The following SGCZ variants were observed in gnomAD, a reference collection of about 807,000 sequenced individuals.
SGCZ encodes the protein sarcoglycan zeta, also known as zeta-sarcoglycan.
SGCZ carries 40 observed loss-of-function variants against 41.3 expected under a neutral mutation model. The observed-to-expected ratio is 0.97, with a 90% CI of 0.75 to 1.26. The LOEUF (loss-of-function observed/expected upper bound fraction) is 1.26. SGCZ is among the 50% of genes most tolerant of loss of function. SGCZ has a pLI of 0.00. For missense variants in SGCZ, 552 were observed against 369.8 expected, an observed-to-expected ratio of 1.49 and a Z score of -4.04; for synonymous variants, 206 against 137.5, an observed-to-expected ratio of 1.50 and a Z score of -3.49.
At chr8:14,171,897 T>C (rs947196365) in intron 4 of SGCZ, among the ~76,000 whole-genome samples, 1 of 152,132 alleles carries the variant, frequency 6.6e-6, no homozygotes, top group African/African-American at 2.4e-5. Context: ...GTGAATTAAA[T>C]GCTGAACAAG....
At chr8:14,371,775 A>C (rs146831430) in intron 2 of SGCZ, among the ~76,000 whole-genome samples, 3,038 of 152,266 alleles carry the variant, frequency 0.02, 81 homozygotes, top group African/African-American at 0.056. Context: ...TAGGGTGACA[A>C]ATAAAAATTA....
At chr8:14,947,106 G>C (rs11776177) in intron 1 of SGCZ, among the ~76,000 whole-genome samples, 9,575 of 152,212 alleles carry the variant, frequency 0.063, 462 homozygotes, top group African/African-American at 0.12. Context: ...TACATCAATA[G>C]AGTTTAATCC....
chr8:15,225,349 C>T (rs1801733713), intron 1 of SGCZ, among the ~76,000 whole-genome samples: 1 of 151,982 alleles, frequency 6.6e-6, no homozygotes, highest in Non-Finnish European at 1.5e-5. Flanking sequence ...GACTAGTTTA[C>T]TGGTCAATAA....
chr8:14,870,624 G>C (rs975446104), intron 1 of SGCZ, among the ~76,000 whole-genome samples: 2 of 151,732 alleles, frequency 1.3e-5, no homozygotes, highest in African/African-American at 4.8e-5. Flanking sequence ...CACAGCAAAA[G>C]AAACTATCAT....
intron 1 of SGCZ, among the ~76,000 whole-genome samples, chr8:14,612,510 A>G (rs1239443896): frequency 3.9e-5 from 6 of 152,146 alleles, no homozygotes; most frequent in Non-Finnish European, 8.8e-5. Context: ...GCACTGTGAG[A>G]ATGGACTAAT....
chr8:14,406,884 G>A (rs1799225511), intron 2 of SGCZ, among the ~76,000 whole-genome samples: 2 of 152,086 alleles, frequency 1.3e-5, no homozygotes, highest in South Asian at 4.2e-4. Flanking sequence ...CCTTTCGCAA[G>A]GAGCTGCTGC....
chr8:15,145,871 C>G (rs1253241686), intron 1 of SGCZ, among the ~76,000 whole-genome samples: 3 of 152,150 alleles, frequency 2.0e-5, no homozygotes, highest in Non-Finnish European at 4.4e-5. Flanking sequence ...AGGTTAAACA[C>G]ATATATTTAT....
intron 2 of SGCZ, among the ~76,000 whole-genome samples, chr8:14,471,630 A>T (rs1049052121): frequency 6.6e-6 from 1 of 152,112 alleles, no homozygotes; most frequent in Middle Eastern, 3.2e-3. Flanking sequence ...CTGGAAAAGT[A>T]ATTTACCACA....
chr8:14,402,292 A>G (rs1259067372), intron 2 of SGCZ, among the ~76,000 whole-genome samples: 2 of 151,180 alleles, frequency 1.3e-5, no homozygotes, highest in South Asian at 2.1e-4. Context: ...CTTGAGTTTA[A>G]TTAGATCCCA....
At chr8:14,688,201 A>G (rs1037841472) in intron 1 of SGCZ, among the ~76,000 whole-genome samples, 4 of 152,194 alleles carry the variant, frequency 2.6e-5, no homozygotes, top group Non-Finnish European at 5.9e-5. Flanking sequence ...GAGTTTAATT[A>G]GATCCCACTT....
intron 2 of SGCZ, among the ~76,000 whole-genome samples, chr8:14,512,532 C>T (rs1319027257): frequency 6.6e-6 from 1 of 151,812 alleles, no homozygotes; most frequent in African/African-American, 2.4e-5. Flanking sequence ...AGGACGATAG[C>T]TGACTGCAGC....
chr8:14,947,183 C>T (rs1026872628), intron 1 of SGCZ, among the ~76,000 whole-genome samples: 1 of 152,158 alleles, frequency 6.6e-6, no homozygotes, highest in Non-Finnish European at 1.5e-5. Context: ...GAAGGACAAG[C>T]TGTTCCTGCC....
chr8:14,596,493 G>A (rs541051778), intron 1 of SGCZ, among the ~76,000 whole-genome samples: 1 of 152,058 alleles, frequency 6.6e-6, no homozygotes, highest in South Asian at 2.1e-4. Context: ...ATTTCATATG[G>A]TTTAAATAAT....
intron 2 of SGCZ, among the ~76,000 whole-genome samples, chr8:14,329,208 AC>A (rs1227802799): frequency 1.3e-5 from 2 of 152,182 alleles, no homozygotes. Flanking sequence ...AGGGTTTGAA[AC>A]TTGACTTTTT....
chr8:14,398,879 T>G (rs1213170945), intron 2 of SGCZ, among the ~76,000 whole-genome samples: 1 of 152,154 alleles, frequency 6.6e-6, no homozygotes, highest in Non-Finnish European at 1.5e-5. Context: ...GGCTGCTGTT[T>G]CATTCCAGTG....
chr8:14,929,714 C>G (rs1799871340), intron 1 of SGCZ, among the ~76,000 whole-genome samples: 2 of 151,972 alleles, frequency 1.3e-5, no homozygotes, highest in East Asian at 3.9e-4. Flanking sequence ...AAATCCACAG[C>G]TGACAGCAGT....
chr8:14,855,370 G>C (rs1458434993), intron 1 of SGCZ, among the ~76,000 whole-genome samples: 1 of 152,068 alleles, frequency 6.6e-6, no homozygotes, highest in Non-Finnish European at 1.5e-5. Flanking sequence ...TTCTTGATCT[G>C]GGTATCAAGT....
At chr8:15,196,042 C>T (rs1373275026) in intron 1 of SGCZ, among the ~76,000 whole-genome samples, 1 of 147,084 alleles carries the variant, frequency 6.8e-6, no homozygotes, top group Admixed American at 6.8e-5. Context: ...GGACTACAGG[C>T]GCCCGCTACC....
intron 1 of SGCZ, among the ~76,000 whole-genome samples, chr8:14,895,639 A>T (rs922429925): frequency 3.9e-5 from 6 of 152,208 alleles, no homozygotes; most frequent in Non-Finnish European, 8.8e-5. Context: ...ATAAAAGCCA[A>T]GGGACTTGCT....
Sources: allele counts gnomAD v4.1 joint callset (sites outside exome capture counted in the v4.1 genomes callset), GRCh38; gene constraint gnomAD v4.1.1; transcripts MANE v1.5; gene names NCBI Gene and HGNC (gene_info 2026-07-23, HGNC 2026-07-21).